The following IL1RAPL1 variants were observed in gnomAD, a reference collection of about 807,000 sequenced individuals.
IL1RAPL1 encodes the protein interleukin 1 receptor accessory protein like 1.
Under a neutral mutation model 48.4 loss-of-function variants are expected in IL1RAPL1, and 3 were observed. That is an observed-to-expected ratio of 0.06 (90% confidence interval 0.03 to 0.16). The LOEUF (loss-of-function observed/expected upper bound fraction) is 0.16. IL1RAPL1 is among the 10% of genes least tolerant of loss of function. IL1RAPL1 has a pLI of 1.00. For synonymous variants in IL1RAPL1, 185 were observed against 187.7 expected (o/e 0.99, Z 0.12); for missense variants, 349 against 530.6 (o/e 0.66, Z 3.36).
At chrX:28,990,202 TGCATGTGACCATAATC>T (rs1171084646) in intron 2 of IL1RAPL1, among the ~76,000 whole-genome samples, 6 of 111,991 alleles carry the variant, frequency 5.4e-5, no homozygotes, top group Non-Finnish European at 1.1e-4. Flanking sequence ...CATTCCTAAG[TGCATGTGACCATAATC>T]TGCTTTGAGC....
At chrX:28,855,434 T>C (rs1921780506) in intron 2 of IL1RAPL1, among the ~76,000 whole-genome samples, 1 of 111,589 alleles carries the variant, frequency 9.0e-6, no homozygotes, top group African/African-American at 3.3e-5. Context: ...GAAAATAAAT[T>C]AATGAATAAA....
At chrX:29,815,743 A>G (rs1930477859) in intron 6 of IL1RAPL1, among the ~76,000 whole-genome samples, 1 of 110,746 alleles carries the variant, frequency 9.0e-6, no homozygotes, top group African/African-American at 3.3e-5. Flanking sequence ...ATTTTTAGTT[A>G]TGTTCCCTAG....
At chrX:29,635,506 C>T (rs1428051482) in intron 5 of IL1RAPL1, among the ~76,000 whole-genome samples, 2 of 111,461 alleles carry the variant, frequency 1.8e-5, no homozygotes, top group African/African-American at 6.5e-5. Context: ...AATTTTCAGG[C>T]CAACAAGTTC....
At chrX:28,815,879 ATAT>A (rs1936862629) in intron 2 of IL1RAPL1, among the ~76,000 whole-genome samples, 9 of 76,305 alleles carry the variant, frequency 1.2e-4, no homozygotes, top group African/African-American at 3.8e-4. Flanking sequence ...ATATATATAT[ATAT>A]ATAATTTTTT....
chrX:28,721,834 C>A (rs1431668565), intron 1 of IL1RAPL1, among the ~76,000 whole-genome samples: 3 of 110,996 alleles, frequency 2.7e-5, no homozygotes, highest in East Asian at 2.8e-4. Flanking sequence ...TTTCCCAGCA[C>A]CATTTATTAA....
At chrX:29,664,736 A>C (rs866559664) in intron 5 of IL1RAPL1, among the ~76,000 whole-genome samples, 2 of 111,828 alleles carry the variant, frequency 1.8e-5, no homozygotes, top group South Asian at 7.5e-4. Flanking sequence ...ACCGTTCCAT[A>C]GCTCAAGTGT....
chrX:29,122,273 T>C (rs933781560), intron 2 of IL1RAPL1, among the ~76,000 whole-genome samples: 6 of 111,386 alleles, frequency 5.4e-5, no homozygotes, highest in Non-Finnish European at 1.1e-4. Context: ...ACATGTAATG[T>C]AAACCTGTAT....
chrX:28,874,924 A>G (rs1163482999), intron 2 of IL1RAPL1, among the ~76,000 whole-genome samples: 2 of 111,911 alleles, frequency 1.8e-5, no homozygotes, highest in African/African-American at 6.5e-5. Context: ...TATCAAGCCA[A>G]ATTTCTTGGT....
intron 1 of IL1RAPL1, among the ~76,000 whole-genome samples, chrX:28,614,200 G>A (rs1471932442): frequency 9.0e-6 from 1 of 110,840 alleles, no homozygotes; most frequent in Non-Finnish European, 1.9e-5. Flanking sequence ...TGTTTTCTTG[G>A]GTGAAAAACT....
chrX:29,323,708 AT>A lies in IL1RAPL1; in HGVS notation c.362+40497del, dbSNP rs757667245. ...TGCACTACCTACCAACTCATACTGA[AT>A]TTTTTATATATATATATATATATAT... On this transcript the variant is annotated intron_variant, in intron 3 of 10. Transcript: ENST00000378993. Among the ~76,000 whole-genome samples, 4 of 29,505 alleles carry A rather than the reference AT, an allele frequency of 1.4e-4. No homozygotes were observed. The East Asian group carries it at 3.4e-3, about 25-fold the overall frequency. The allele number at this position is 29,505 out of a possible 115,157, so 25.6% of individuals were successfully genotyped here.
chrX:29,221,450 A>G (rs756601858), intron 2 of IL1RAPL1, among the ~76,000 whole-genome samples: 1 of 111,339 alleles, frequency 9.0e-6, no homozygotes, highest in South Asian at 3.8e-4. Context: ...AGGAGAACGA[A>G]TCAACTGACA....
intron 1 of IL1RAPL1, among the ~76,000 whole-genome samples, chrX:28,757,498 T>G (rs1232955261): frequency 8.9e-6 from 1 of 112,462 alleles, no homozygotes; most frequent in African/African-American, 3.2e-5. Context: ...TTGTGCAGAC[T>G]TGGAAAGTGA....
chrX:29,337,170 C>A (rs765690589), intron 3 of IL1RAPL1, among the ~76,000 whole-genome samples: 1 of 111,609 alleles, frequency 9.0e-6, no homozygotes, highest in South Asian at 3.8e-4. Context: ...CATTTTACTG[C>A]ATTGCCTTAA....
chrX:29,382,837 G>C lies in IL1RAPL1; in HGVS notation c.363-13421G>C, dbSNP rs1025524046. Among the ~76,000 whole-genome samples the C allele has an allele frequency of 2.7e-5, 3 of 111,580 alleles. No individual in the cohort carries two copies. In the Admixed American group the frequency reaches 2.9e-4, roughly 11 times the overall value. On this transcript the variant is annotated intron_variant, in intron 3 of 10. Coordinates refer to ENST00000378993, the MANE Select transcript of IL1RAPL1 (RefSeq NM_014271.4). ...TGTATGAGACTCCACTCACAGAAAGGGTGTTCTATTCATACTGAATCTTTC... is the reference window on the plus strand; with the variant it reads ...TGTATGAGACTCCACTCACAGAAAGCGTGTTCTATTCATACTGAATCTTTC...
intron 6 of IL1RAPL1, among the ~76,000 whole-genome samples, chrX:29,846,660 T>C (rs1931251673): frequency 9.2e-6 from 1 of 108,903 alleles, no homozygotes; most frequent in African/African-American, 3.3e-5. Flanking sequence ...GGAGATACTT[T>C]ATTTCTTTTA....
chrX:28,951,101 A>G (rs1353171902), intron 2 of IL1RAPL1, among the ~76,000 whole-genome samples: 1 of 76,631 alleles, frequency 1.3e-5, no homozygotes, highest in East Asian at 4.6e-4. Flanking sequence ...GAAGGGGAAC[A>G]TCACACTCTG....
intron 5 of IL1RAPL1, among the ~76,000 whole-genome samples, chrX:29,623,468 A>G (rs1924528823): frequency 9.0e-6 from 1 of 111,658 alleles, no homozygotes; most frequent in South Asian, 3.7e-4. Context: ...CTATGGTTAT[A>G]AAGACATTCT....
At chrX:29,622,267 A>G (rs774821708) in intron 5 of IL1RAPL1, among the ~76,000 whole-genome samples, 2 of 112,067 alleles carry the variant, frequency 1.8e-5, no homozygotes, top group Non-Finnish European at 3.8e-5. Flanking sequence ...TGACATCACA[A>G]TTGTGGATCA....
At chrX:29,571,972 T>A (rs1179523931) in intron 5 of IL1RAPL1, among the ~76,000 whole-genome samples, 1 of 112,297 alleles carries the variant, frequency 8.9e-6, no homozygotes, top group Non-Finnish European at 1.9e-5. Flanking sequence ...CAAGGACCTT[T>A]AAGGTCCTCC....
Sources: allele counts gnomAD v4.1 joint callset (sites outside exome capture counted in the v4.1 genomes callset), GRCh38; gene constraint gnomAD v4.1.1; transcripts MANE v1.5; gene names NCBI Gene and HGNC (gene_info 2026-07-23, HGNC 2026-07-21).